The following MAML3 variants were observed in gnomAD, a reference collection of about 807,000 sequenced individuals.
MAML3 encodes the protein mastermind-like protein 3.
In MAML3, 27 loss-of-function variants were observed where a neutral mutation model predicts 101.9. The observed-to-expected ratio is 0.27, with a 90% confidence interval of 0.20 to 0.37. MAML3 has a LOEUF of 0.37. MAML3 is among the 10% of genes least tolerant of loss of function. The pLI, the probability that MAML3 is intolerant of heterozygous loss-of-function variation, is 1.00. For synonymous variants in MAML3, 501 were observed against 555.9 expected, an observed-to-expected ratio of 0.90 and a Z score of 1.39; for missense variants, 1,316 against 1,444.9, an observed-to-expected ratio of 0.91 and a Z score of 1.45.
chr4:139,860,153 T>G (rs973049207), intron 2 of MAML3, among the ~76,000 whole-genome samples: 1 of 152,242 alleles, frequency 6.6e-6, no homozygotes, highest in African/African-American at 2.4e-5. Flanking sequence ...CTGAAGCCCC[T>G]AGCTCCCTCC....
chr4:140,059,640 G>T (rs555127696), intron 1 of MAML3, among the ~76,000 whole-genome samples: 5 of 152,216 alleles, frequency 3.3e-5, no homozygotes, highest in Non-Finnish European at 7.3e-5. Flanking sequence ...TAGGCCAGAA[G>T]ATAGTCTGAT....
In MAML3 at chr4:139,717,427, A is replaced by G. The variant is rs1728023753; in HGVS notation, c.*1896T>C. ...TGATCCACTCAGTTTCCCCAGTGGC[A>G]TCACTCCCCATTTGGGGAGTTCAGG... On this transcript the variant is annotated 3_prime_UTR_variant, in exon 5 of 5. Coordinates refer to ENST00000509479, the MANE Select transcript of MAML3 (RefSeq NM_018717.5). The G allele has an allele frequency of 6.6e-6, 1 of 152,106 alleles. No homozygotes were observed. Among genetic ancestry groups the G allele is most frequent in the African/African-American group, 2.4e-5 (1 of 41,394 alleles). The allele number at this position is 152,106 out of a possible 1,614,324, so 9.4% of individuals were successfully genotyped here.
intron 1 of MAML3, among the ~76,000 whole-genome samples, chr4:140,060,366 A>AAAAAAAAAAAAAAAAAAAC: frequency 1.2e-5 from 1 of 84,134 alleles, no homozygotes; most frequent in Non-Finnish European, 2.5e-5. Flanking sequence ...ACTCTGTCTC[A>AAAAAAAAAAAAAAAAAAAC]AAAAAAAAAA....
chr4:140,028,421 CTGTT>C (rs1183366076), intron 1 of MAML3, among the ~76,000 whole-genome samples: 2 of 152,182 alleles, frequency 1.3e-5, no homozygotes, highest in Admixed American at 1.3e-4. Flanking sequence ...GTCTGTCTGT[CTGTT>C]TCTCTCTCTC....
intron 4 of MAML3, among the ~76,000 whole-genome samples, chr4:139,723,347 G>T (rs1728332169): frequency 6.6e-6 from 1 of 152,120 alleles, no homozygotes; most frequent in Non-Finnish European, 1.5e-5. Context: ...TTTTGCTCTT[G>T]TTGCCCAGGC....
At chr4:140,127,157 C>T (rs562384898) in intron 1 of MAML3, among the ~76,000 whole-genome samples, 1 of 152,218 alleles carries the variant, frequency 6.6e-6, no homozygotes, top group Non-Finnish European at 1.5e-5. Flanking sequence ...TGCCTTGCCT[C>T]TCTCACCAGC....
intron 1 of MAML3, among the ~76,000 whole-genome samples, chr4:140,031,243 A>G (rs1726902746): frequency 6.6e-6 from 1 of 152,258 alleles, no homozygotes; most frequent in Non-Finnish European, 1.5e-5. Flanking sequence ...TATGATTTAA[A>G]TATTTATTCT....
At chr4:139,995,524 T>C (rs769374070) in intron 1 of MAML3, among the ~76,000 whole-genome samples, 5 of 152,206 alleles carry the variant, frequency 3.3e-5, no homozygotes. Flanking sequence ...TTACTTATTA[T>C]AGTTCTATCC....
At chr4:139,898,079 T>C (rs2111208594) in intron 1 of MAML3, among the ~76,000 whole-genome samples, 1 of 152,340 alleles carries the variant, frequency 6.6e-6, no homozygotes, top group East Asian at 1.9e-4. Flanking sequence ...CTACAACTCC[T>C]GATGTTGGTT....
rs1213721738 is a variant in MAML3, at chr4:139,772,240, CA to C, written c.2080-41574del. ...GGGTGACAGAGCGAGACTCCGTTCT[CA>C]AAAAAAAAAAAAAAAAAAAAAAAAA... On this transcript the variant is annotated intron_variant, in intron 2 of 4. Transcript: ENST00000509479. 6.1e-3 allele frequency among the ~76,000 whole-genome samples: 241 copies of C among 39,228 alleles called. 1 individual carries two copies. The highest frequency in any genetic ancestry group is 0.014 in the African/African-American group (97 of 6,724). 25.7% of individuals were successfully genotyped at this position (39,228 alleles called of 152,430 possible). A position where few individuals can be genotyped will look rare whatever the true frequency, so the allele number is the denominator to read the frequency against.
intron 2 of MAML3, among the ~76,000 whole-genome samples, chr4:139,838,191 G>C (rs1351389092): frequency 6.6e-6 from 1 of 152,004 alleles, no homozygotes; most frequent in East Asian, 1.9e-4. Context: ...TTCTAACAAG[G>C]CTCCCTCTGT....
intron 1 of MAML3, among the ~76,000 whole-genome samples, chr4:139,958,026 T>C (rs1286913139): frequency 6.6e-6 from 1 of 152,218 alleles, no homozygotes; most frequent in Non-Finnish European, 1.5e-5. Context: ...ATTAACTATG[T>C]TGGAAAATTA....
intron 1 of MAML3, among the ~76,000 whole-genome samples, chr4:140,045,349 C>T (rs1256712173): frequency 4.2e-5 from 6 of 144,138 alleles, no homozygotes; most frequent in Non-Finnish European, 7.4e-5. Context: ...GAGCTGAAAT[C>T]GTGCCACTGC....
chr4:139,725,999 C>A (rs2110973757), intron 3 of MAML3, among the ~76,000 whole-genome samples, 164 bp from the exon 4 acceptor site: 1 of 152,288 alleles, frequency 6.6e-6, no homozygotes, highest in Non-Finnish European at 1.5e-5. Context: ...AGGATAGAGT[C>A]AGGTAGGTTT....
chr4:139,948,063 G>A (rs1465168728), intron 1 of MAML3, among the ~76,000 whole-genome samples: 1 of 151,782 alleles, frequency 6.6e-6, no homozygotes, highest in Non-Finnish European at 1.5e-5. Flanking sequence ...TCACGCCATT[G>A]CACGCCAGTC....
At chr4:140,134,676 T>G (rs1420921225) in intron 1 of MAML3, 8 of 269,544 alleles carry the variant, frequency 3.0e-5, no homozygotes, top group Non-Finnish European at 7.2e-6. Flanking sequence ...TAATGACATT[T>G]GTTCATGAGA....
In MAML3 at chr4:139,890,309, G is replaced by A. The variant is rs191558574; in HGVS notation, c.1127C>T (p.Ala376Val). The change falls in exon 2 of 5, where the codon GCG becomes GTG. Residue 376 changes from alanine to valine, a missense_variant. By Grantham distance (64) the Ala-to-Val change is moderately conservative. Coordinates refer to ENST00000509479, the MANE Select transcript of MAML3 (RefSeq NM_018717.5). The surrounding 1 kb of genome is among the most constrained non-coding windows in gnomAD (Gnocchi z 4.1). ...FAHVSMGSPQ[A>V]RPSSSGPPFS... ...GGGAGGACCAGAAGAAGAAGGCCTCGCCTGGGGAGATCCCATGGAGACATG... is the reference window on the plus strand; with the variant it reads ...GGGAGGACCAGAAGAAGAAGGCCTCACCTGGGGAGATCCCATGGAGACATG... The A allele has an allele frequency of 3.3e-3, 5,371 of 1,613,276 alleles. 20 individuals carry two copies. The highest frequency in any genetic ancestry group is 4.4e-3 in the Non-Finnish European group (5,154 of 1,179,510).
At chr4:139,867,185 G>T (rs1731913449) in intron 2 of MAML3, among the ~76,000 whole-genome samples, 1 of 152,162 alleles carries the variant, frequency 6.6e-6, no homozygotes, top group African/African-American at 2.4e-5. Context: ...CGTCTGGATT[G>T]TCATGTATTT....
At chr4:140,045,252 G>A (rs1440013044) in intron 1 of MAML3, among the ~76,000 whole-genome samples, 3 of 152,072 alleles carry the variant, frequency 2.0e-5, no homozygotes, top group Non-Finnish European at 4.4e-5. Flanking sequence ...AAAATTAGAT[G>A]GGCATGGTGG....
Sources: allele counts gnomAD v4.1 joint callset (sites outside exome capture counted in the v4.1 genomes callset), GRCh38; gene constraint gnomAD v4.1.1; non-coding constraint Gnocchi (gnomAD v3.1); transcripts MANE v1.5; gene names NCBI Gene and HGNC (gene_info 2026-07-23, HGNC 2026-07-21).